Variants in ADK observed in about 807,000 individuals in gnomAD.
The protein encoded by ADK is N6,N6-dimethyladenosine kinase.
Under a neutral mutation model 44.7 loss-of-function variants are expected in ADK, and 24 were observed. The observed-to-expected ratio is 0.54, with a 90% CI of 0.39 to 0.76. The LOEUF (loss-of-function observed/expected upper bound fraction) is 0.76. Ranked by LOEUF, ADK falls within the 30% of genes least tolerant of loss-of-function variation. The probability of loss-of-function intolerance (pLI) is 0.00; values close to 1 mark genes in which losing one functional copy is unlikely to be tolerated. For synonymous variants in ADK, 128 were observed against 142.6 expected, an observed-to-expected ratio of 0.90 and a Z score of 0.73; for missense variants, 321 against 425.1, an observed-to-expected ratio of 0.76 and a Z score of 2.15.
chr10:74,661,746 G>A (rs752038912), intron 9 of ADK, among the ~76,000 whole-genome samples: 3 of 151,968 alleles, frequency 2.0e-5, no homozygotes, highest in African/African-American at 2.4e-5. Flanking sequence ...AGTCTTCTCC[G>A]TGAAAGCATC....
chr10:74,573,972 G>A (rs867910230), intron 7 of ADK, among the ~76,000 whole-genome samples: 16 of 152,320 alleles, frequency 1.1e-4, no homozygotes, highest in African/African-American at 3.8e-4. Context: ...GTGAGGCAAT[G>A]CCTCGCCCTG....
At chr10:74,498,673 C>A (rs1847780847) in intron 6 of ADK, among the ~76,000 whole-genome samples, 1 of 152,022 alleles carries the variant, frequency 6.6e-6, no homozygotes, top group African/African-American at 2.4e-5. Context: ...CTATCCCTCT[C>A]CCCTTCCCCC....
chr10:74,266,891 T>G (rs1405615063), intron 3 of ADK, among the ~76,000 whole-genome samples: 1 of 152,230 alleles, frequency 6.6e-6, no homozygotes, highest in Middle Eastern at 3.2e-3. Context: ...TAGTGGCCTT[T>G]TCCTAGGTCA....
intron 4 of ADK, among the ~76,000 whole-genome samples, chr10:74,359,574 G>T (rs895225839): frequency 6.6e-6 from 1 of 152,048 alleles, no homozygotes; most frequent in Non-Finnish European, 1.5e-5. Context: ...GCTAGGCATG[G>T]TAGCATACAC....
intron 9 of ADK, among the ~76,000 whole-genome samples, chr10:74,632,139 G>A (rs768748264): frequency 2.0e-5 from 3 of 151,972 alleles, no homozygotes; most frequent in Non-Finnish European, 2.9e-5. Flanking sequence ...CTTAAGCAAC[G>A]ATTAATCTAC....
intron 6 of ADK, among the ~76,000 whole-genome samples, chr10:74,473,449 CTTTTT>C (rs1037961253): frequency 1.3e-5 from 2 of 152,088 alleles, no homozygotes; most frequent in African/African-American, 2.4e-5. Context: ...AAGTAATGTC[CTTTTT>C]CTGTTCCAGG....
At chr10:74,575,008 T>G (rs1376761665) in intron 7 of ADK, among the ~76,000 whole-genome samples, 1 of 152,166 alleles carries the variant, frequency 6.6e-6, no homozygotes, top group Non-Finnish European at 1.5e-5. Flanking sequence ...TACAAATAAA[T>G]TATAATGCAA....
At chr10:74,302,217 C>T (rs1404889672) in intron 3 of ADK, among the ~76,000 whole-genome samples, 4 of 144,440 alleles carry the variant, frequency 2.8e-5, no homozygotes, top group Non-Finnish European at 4.5e-5. Context: ...CAACCCCTAC[C>T]TCCCGGGTTC....
Position 74,506,264 on chromosome 10 carries a change from G to A in ADK, c.556-18992G>A, listed in dbSNP as rs1848071272. The A allele has an allele frequency of 1.6e-5, 3 of 190,286 alleles. No individual in the cohort carries two copies. In the South Asian group the frequency reaches 3.3e-4, roughly 21 times the overall value. The allele number at this position is 190,286 out of a possible 1,614,324, so 11.8% of individuals were successfully genotyped here. A position where few individuals can be genotyped will look rare whatever the true frequency, so the allele number is the denominator to read the frequency against. On this transcript the variant is annotated intron_variant, in intron 6 of 10. Transcript: ENST00000539909. ...CACAAAGTCCTCCCCCAACCACAATGGTCCTTACACTGGATTCATCTATCT... is the reference window on the plus strand; with the variant it reads ...CACAAAGTCCTCCCCCAACCACAATAGTCCTTACACTGGATTCATCTATCT...
intron 7 of ADK, among the ~76,000 whole-genome samples, chr10:74,554,160 T>C (rs1850149459): frequency 6.6e-6 from 1 of 152,184 alleles, no homozygotes; most frequent in Admixed American, 6.5e-5. Flanking sequence ...CTGATGTTCT[T>C]CCCATGAAAG....
chr10:74,423,889 C>T (rs1407382902), intron 6 of ADK: 1 of 236,000 alleles, frequency 4.2e-6, no homozygotes, highest in East Asian at 1.1e-4. Flanking sequence ...TCTGATTATG[C>T]TCTCCTGGTA....
chr10:74,328,569 G>A (rs138576810), intron 4 of ADK, among the ~76,000 whole-genome samples: 2,444 of 152,262 alleles, frequency 0.016, 34 homozygotes, highest in Non-Finnish European at 0.028. Context: ...CTGGTGGGAG[G>A]TGATTGGATC....
chr10:74,492,868 A>C (rs919208258), intron 6 of ADK, among the ~76,000 whole-genome samples: 2 of 152,120 alleles, frequency 1.3e-5, no homozygotes, highest in African/African-American at 4.8e-5. Context: ...TATATTTTCA[A>C]ATTTCTCTAC....
intron 3 of ADK, among the ~76,000 whole-genome samples, chr10:74,244,208 G>GT (rs1308343309): frequency 1.3e-5 from 2 of 152,120 alleles, no homozygotes; most frequent in Non-Finnish European, 1.5e-5. Flanking sequence ...TTGTTATGCA[G>GT]TTTTTTCAAA....
chr10:74,180,263 T>C (rs1215958968), intron 1 of ADK, among the ~76,000 whole-genome samples: 1 of 149,646 alleles, frequency 6.7e-6, no homozygotes, highest in Admixed American at 6.7e-5. Context: ...TTTGAGACAG[T>C]GTCTTGCTCT....
At chr10:74,180,625 A>G (rs1842515522) in intron 1 of ADK, among the ~76,000 whole-genome samples, 1 of 151,468 alleles carries the variant, frequency 6.6e-6, no homozygotes, top group Non-Finnish European at 1.5e-5. Context: ...CGCCCAGCTA[A>G]TTTTTTGTAT....
chr10:74,323,483 T>G (rs967252785), intron 4 of ADK, among the ~76,000 whole-genome samples: 8 of 152,226 alleles, frequency 5.3e-5, no homozygotes, highest in African/African-American at 7.2e-5. Flanking sequence ...CTGTTTAAAA[T>G]GTATAATCTT....
chr10:74,223,945 C>T (rs148948436), intron 2 of ADK, among the ~76,000 whole-genome samples: 1,587 of 152,148 alleles, frequency 0.01, 29 homozygotes, highest in African/African-American at 0.037. Context: ...AAAAATTAGC[C>T]AGGCATGGTG....
At chr10:74,481,325 A>G (rs1349098294) in intron 6 of ADK, among the ~76,000 whole-genome samples, 1 of 152,126 alleles carries the variant, frequency 6.6e-6, no homozygotes, top group African/African-American at 2.4e-5. Context: ...CATTTATATT[A>G]TCTTAGATTC....
Sources: allele counts gnomAD v4.1 joint callset (sites outside exome capture counted in the v4.1 genomes callset), GRCh38; gene constraint gnomAD v4.1.1; transcripts MANE v1.5; gene names NCBI Gene and HGNC (gene_info 2026-07-23, HGNC 2026-07-21).